The following INTS7 variants were observed in gnomAD, a reference collection of about 807,000 sequenced individuals.
The protein encoded by INTS7 is integrator complex subunit 7, also known as chromosome 1 open reading frame 73.
In INTS7, 46 loss-of-function variants were observed where a neutral mutation model predicts 109.2. The observed-to-expected ratio is 0.42, with a 90% CI of 0.33 to 0.54. INTS7 has a LOEUF of 0.54. INTS7 is among the 20% of genes least tolerant of loss of function. The pLI is 0.07. For missense variants in INTS7, 929 were observed against 1,132.4 expected (o/e 0.82, Z 2.58); for synonymous variants, 412 against 402.9 (o/e 1.02, Z -0.27).
chr1:211,968,522 G>A lies in INTS7; in HGVS notation c.2001C>T (p.Ile667=). The A allele has an allele frequency of 6.2e-7, 1 of 1,611,998 alleles. No individual in the cohort carries two copies. Among genetic ancestry groups the A allele is most frequent in the Non-Finnish European group, 8.5e-7 (1 of 1,178,940 alleles). Residue 667 remains isoleucine, a synonymous_variant, in exon 14 of 20, where the codon ATC becomes ATT. Transcript: ENST00000366994. ...LGNDLQRCGR[I]SNQMKQSMEE... is the part of the protein sequence containing the mutation. ...GAAAGTTAAGACATGCCTGATTGGA[G>A]ATGCGACCACACCTCTGGAGGTCAT...
intron 8 of INTS7, among the ~76,000 whole-genome samples, chr1:211,985,532 T>C (rs1664857889): frequency 6.6e-6 from 1 of 152,164 alleles, no homozygotes; most frequent in Non-Finnish European, 1.5e-5. Context: ...AAAGGACAAA[T>C]ACCTAGCTTG....
intron 1 of INTS7, among the ~76,000 whole-genome samples, chr1:212,030,069 AGTT>A: frequency 6.6e-6 from 1 of 152,342 alleles, no homozygotes; most frequent in African/African-American, 2.4e-5. Flanking sequence ...AACAAATTTG[AGTT>A]TATGGATACC....
intron 4 of INTS7, among the ~76,000 whole-genome samples, chr1:212,016,417 T>C (rs1395097313): frequency 6.6e-6 from 1 of 152,232 alleles, no homozygotes; most frequent in Non-Finnish European, 1.5e-5. Context: ...CAAAATACTG[T>C]TCTGTAAAAC....
rs1663526811 is a variant in INTS7 at position 211,959,644 on chromosome 1, C to T, written c.2183+6786G>A. On this transcript the variant is annotated intron_variant, in intron 16 of 19. Coordinates refer to ENST00000366994, the MANE Select transcript of INTS7 (RefSeq NM_015434.4). The surrounding 1 kb of genome is among the most constrained non-coding windows in gnomAD (Gnocchi z 4.2). ...CTGCTGGTGCATTCTGCCCCCATTA[C>T]CCCCGCATTACCGCCATTGCATTTG... is the stretch of plus-strand genomic sequence containing the variant. Among the ~76,000 whole-genome samples, 2 of 152,114 alleles carry T rather than the reference C, an allele frequency of 1.3e-5. No individual in the cohort carries two copies. The highest frequency in any genetic ancestry group is 2.4e-5 in the African/African-American group (1 of 41,402).
chr1:211,974,234 T>C (rs1664299293), intron 13 of INTS7, among the ~76,000 whole-genome samples: 1 of 142,576 alleles, frequency 7.0e-6, no homozygotes, highest in Admixed American at 7.2e-5. Context: ...AGGCATTTAT[T>C]AGCCTAATAT....
At chr1:211,975,478 A>G (rs1270539165) in intron 12 of INTS7, 106 bp from the exon 13 acceptor site, 2 of 763,210 alleles carry the variant, frequency 2.6e-6, no homozygotes, top group East Asian at 2.5e-5. Flanking sequence ...CAAACCTTGG[A>G]TAAGTCTGAA....
intron 13 of INTS7, 69 bp from the exon 14 acceptor site, chr1:211,968,776 G>T: frequency 1.6e-6 from 2 of 1,225,894 alleles, no homozygotes; most frequent in Non-Finnish European, 2.3e-6. Flanking sequence ...GCAGTACCAA[G>T]TATTTATCAG....
chr1:211,991,899 G>A (rs1437169104), intron 7 of INTS7, among the ~76,000 whole-genome samples: 5 of 152,358 alleles, frequency 3.3e-5, no homozygotes, highest in Non-Finnish European at 1.5e-5. Flanking sequence ...AAGAGGCCAA[G>A]AGAAGGGGCA....
At chr1:211,958,814 A>C (rs2102398075) in intron 16 of INTS7, among the ~76,000 whole-genome samples, 1 of 152,284 alleles carries the variant, frequency 6.6e-6, no homozygotes, top group East Asian at 1.9e-4. Context: ...GATTGAAATT[A>C]TAGATAGTGT....
At chr1:211,945,628 G>A (rs79009602) in intron 18 of INTS7, among the ~76,000 whole-genome samples, 3,934 of 152,262 alleles carry the variant, frequency 0.026, 57 homozygotes, top group African/African-American at 0.045. Flanking sequence ...TATCTAGATC[G>A]TCAAATCTTC....
At chr1:212,024,448 T>C (rs1009887676) in intron 1 of INTS7, among the ~76,000 whole-genome samples, 3 of 152,222 alleles carry the variant, frequency 2.0e-5, no homozygotes, top group Non-Finnish European at 4.4e-5. Flanking sequence ...CTAGGCATTT[T>C]ATTTTTTGTT....
intron 16 of INTS7, among the ~76,000 whole-genome samples, chr1:211,954,709 A>G (rs952840594): frequency 2.6e-5 from 4 of 151,968 alleles, no homozygotes; most frequent in African/African-American, 9.7e-5. Context: ...ATGGTTGTAG[A>G]TATGCGGCAT....
At chr1:212,024,538 A>G (rs1666839437) in intron 1 of INTS7, among the ~76,000 whole-genome samples, 1 of 152,230 alleles carries the variant, frequency 6.6e-6, no homozygotes, top group African/African-American at 2.4e-5. Context: ...AAATGAAAAC[A>G]TATGTCCACA....
chr1:211,976,812 C>T (rs1382899880), intron 11 of INTS7, 93 bp from the exon 12 acceptor site: 1 of 1,182,694 alleles, frequency 8.5e-7, no homozygotes, highest in East Asian at 2.4e-5. Context: ...CTAATTAGAG[C>T]CCACTGCAAA....
chr1:211,956,746 C>T (rs947143460), intron 16 of INTS7, among the ~76,000 whole-genome samples: 1 of 152,110 alleles, frequency 6.6e-6, no homozygotes, highest in Admixed American at 6.5e-5. Flanking sequence ...TTCTGTATGA[C>T]CTGCTGAATG....
chr1:211,972,009 A>T (rs1325242084), intron 13 of INTS7, among the ~76,000 whole-genome samples: 1 of 152,042 alleles, frequency 6.6e-6, no homozygotes, highest in Non-Finnish European at 1.5e-5. Flanking sequence ...GATGCAAAGT[A>T]CTGTTACCTT....
chr1:211,962,622 C>T (rs977911328), intron 16 of INTS7, among the ~76,000 whole-genome samples: 1 of 152,152 alleles, frequency 6.6e-6, no homozygotes, highest in Non-Finnish European at 1.5e-5. Context: ...ATCAGCCACA[C>T]AGTTGGACAC....
intron 5 of INTS7, among the ~76,000 whole-genome samples, chr1:212,007,740 T>C (rs867011328): frequency 5.3e-5 from 8 of 152,180 alleles, no homozygotes; most frequent in East Asian, 1.9e-4. Flanking sequence ...TTTCCTCTCA[T>C]TGTCATAGTA....
At chr1:211,971,915 C>CAAAAA (rs745814699) in intron 13 of INTS7, among the ~76,000 whole-genome samples, 439 of 78,544 alleles carry the variant, frequency 5.6e-3, no homozygotes, top group East Asian at 7.1e-3. Flanking sequence ...AACTCAGTCT[C>CAAAAA]AAAAAAAAAA....
Sources: gnomAD v4.1 joint callset for allele counts (sites outside exome capture counted in the v4.1 genomes callset) on GRCh38, gnomAD v4.1.1 for gene constraint, Gnocchi (gnomAD v3.1) non-coding constraint, MANE v1.5 for transcripts, NCBI Gene and HGNC (gene_info 2026-07-23, HGNC 2026-07-21) for gene names.